HUS1B: variants seen among roughly 807,000 people sequenced by gnomAD.
The protein encoded by HUS1B is checkpoint protein HUS1B.
For synonymous variants in HUS1B, 207 were observed against 176.2 expected, an observed-to-expected ratio of 1.17 and a Z score of -1.38; for missense variants, 475 against 390.4, an observed-to-expected ratio of 1.22 and a Z score of -1.83.
In HUS1B at chr6:656,508, A is replaced by AGGCAGTCCCGCC. The variant is rs754667998; in HGVS notation, c.425_436dup (p.Cys145_Leu146insArgArgAspCys). On this transcript the variant is annotated inframe_insertion, in exon 1 of 1. Transcript: ENST00000380907. ...GTCGGAGGCGCGCAGGCTGGGCGGC[A>AGGCAGTCCCGCC]GGCAGTCCCGCCACACTCTCCTGGG... is the stretch of plus-strand genomic sequence containing the variant. 4 of 1,605,016 alleles carry AGGCAGTCCCGCC rather than the reference A, an allele frequency of 2.5e-6. No individual in the cohort carries two copies. The Admixed American group carries it at 5.0e-5, about 20-fold the overall frequency.
rs61748571 is a variant in HUS1B, at chr6:656,810, A to G, written c.135T>C (p.Gly45=). 0.058 allele frequency: 93,654 copies of G among 1,607,396 alleles called. 3,806 individuals are homozygous for G. The highest frequency in any genetic ancestry group is 0.16 in the South Asian group (14,281 of 90,464). Residue 45 remains glycine (G), a synonymous_variant, in exon 1 of 1, where the codon GGT becomes GGC. Transcript: ENST00000380907. The part of the protein sequence containing the change: ...RPDSLCFGPA[G]SGGLHEARLW... The stretch of plus-strand genomic sequence containing the variant: ...GCCTGGCCTCGTGGAGGCCGCCGGA[A>G]CCCGCGGGGCCGAAGCACAGGCTGT...
chr6:656,563 C>T lies in HUS1B; in HGVS notation c.382G>A (p.Val128Met), dbSNP rs1166501299. Residue 128 changes from valine to methionine, a missense_variant, in exon 1 of 1, where the codon GTG (valine) becomes ATG (methionine). Val to Met is a conservative substitution (Grantham distance 21, BLOSUM62 1). Coordinates refer to ENST00000380907, the MANE Select transcript of HUS1B (RefSeq NM_148959.4). Reference sequence around the variant, plus strand: ...ACCCGCACGGGCAGATCGTGCACCACGCTGCGAGCGCGGCCCAGGGACGAG... The same window carrying T: ...ACCCGCACGGGCAGATCGTGCACCATGCTGCGAGCGCGGCCCAGGGACGAG... ...LVSSLGRARS[V>M]VHDLPVRVLP... 3 of 1,591,926 alleles carry T rather than the reference C, an allele frequency of 1.9e-6. No homozygotes were observed. The highest frequency in any genetic ancestry group is 2.6e-6 in the Non-Finnish European group (3 of 1,170,226).
chr6:656,357 C>T lies in HUS1B; in HGVS notation c.588G>A (p.Glu196=). 1 of 1,614,216 alleles carries T rather than the reference C, an allele frequency of 6.2e-7. No individual in the cohort carries two copies. Among genetic ancestry groups the T allele is most frequent in the Non-Finnish European group, 8.5e-7 (1 of 1,180,032 alleles). Residue 196 remains glutamate (E), a synonymous_variant, in exon 1 of 1, where the codon GAG becomes GAA. Transcript: ENST00000380907. ...TAAAATAACTTTGAATGGACACCACCTCCGTCTCTATACTCAGGGTCATCC... is the reference window on the plus strand; with the variant it reads ...TAAAATAACTTTGAATGGACACCACTTCCGTCTCTATACTCAGGGTCATCC... ...SGRMTLSIET[E]VVSIQSYFKN... is the part of the protein sequence containing the mutation.
chr6:656,976 G>C lies in HUS1B; in HGVS notation c.-32C>G. 3 of 1,485,902 alleles carry C rather than the reference G, an allele frequency of 2.0e-6. No individual in the cohort carries two copies. Among genetic ancestry groups the C allele is most frequent in the Non-Finnish European group, 2.7e-6 (3 of 1,108,884 alleles). The allele number at this position is 1,485,902 out of a possible 1,614,324, so 92.0% of individuals were successfully genotyped here. ...ACAGGGAAGGCAGCTGGGGGCCTCT[G>C]AGGGGGATTCCGCGTGCCACAAGCC... On this transcript the variant is annotated 5_prime_UTR_variant, in exon 1 of 1. Transcript: ENST00000380907.
rs757420125 is a variant in HUS1B at position 656,864 on chromosome 6, C to T, written c.81G>A (p.Ala27=). Residue 27 remains alanine (A), a synonymous_variant, in exon 1 of 1, where the codon GCG becomes GCA. Transcript: ENST00000380907. The part of the protein sequence containing the change: ...IHVSGTVARL[A]KVCVLRVRPD... Reference sequence around the variant, plus strand: ...GGCGCACGCGGAGCACGCAGACCTTCGCTAGCCTCGCGACGGTGCCGCTGA... The same window carrying T: ...GGCGCACGCGGAGCACGCAGACCTTTGCTAGCCTCGCGACGGTGCCGCTGA... The T allele has an allele frequency of 1.2e-6, 2 of 1,608,312 alleles. No homozygotes were observed. The highest frequency in any genetic ancestry group is 1.3e-5 in the African/African-American group (1 of 74,654).
Position 656,782 on chromosome 6 carries a change from A to G in HUS1B, c.163T>C (p.Trp55Arg), listed in dbSNP as rs1251463459. The change falls in exon 1 of 1, where the codon TGG becomes CGG. Residue 55 changes from tryptophan (W) to arginine (R), a missense_variant. Coordinates refer to ENST00000380907, the MANE Select transcript of HUS1B (RefSeq NM_148959.4). Reference protein sequence around the residue: ...GSGGLHEARLWCEVRQGAFQQ... With the variant: ...GSGGLHEARLRCEVRQGAFQQ... The stretch of plus-strand genomic sequence containing the variant: ...AAGGCCCCCTGCCGCACCTCGCACC[A>G]CAGCCTGGCCTCGTGGAGGCCGCCG... 6.2e-7 allele frequency: 1 copy of G among 1,600,548 alleles called. No individual in the cohort carries two copies. Among genetic ancestry groups the G allele is most frequent in the South Asian group, 1.1e-5 (1 of 89,884 alleles).
In HUS1B at chr6:656,521, A is replaced by G; in HGVS notation, c.424T>C (p.Trp142Arg). 1 of 1,605,606 alleles carries G rather than the reference A, an allele frequency of 6.2e-7. No homozygotes were observed. Among genetic ancestry groups the G allele is most frequent in the Non-Finnish European group, 8.5e-7 (1 of 1,177,924 alleles). Residue 142 changes from tryptophan to arginine, a missense_variant, in exon 1 of 1, where the codon TGG (tryptophan) becomes CGG (arginine). Physicochemically the swap from Trp to Arg is moderately radical, Grantham distance 101 (BLOSUM62 -3). Coordinates refer to ENST00000380907, the MANE Select transcript of HUS1B (RefSeq NM_148959.4). Reference sequence around the variant, plus strand: ...AGGCTGGGCGGCAGGCAGTCCCGCCACACTCTCCTGGGAAGCACCCGCACG... The same window carrying G: ...AGGCTGGGCGGCAGGCAGTCCCGCCGCACTCTCCTGGGAAGCACCCGCACG... ...LPVRVLPRRV[W>R]RDCLPPSLRA...
chr6:656,893 G>A lies in HUS1B; in HGVS notation c.52C>T (p.His18Tyr), dbSNP rs756578192. The A allele has an allele frequency of 6.3e-7, 1 of 1,596,380 alleles. No individual in the cohort carries two copies. The highest frequency in any genetic ancestry group is 1.3e-5 in the African/African-American group (1 of 74,336). ...AGCCTCGCGACGGTGCCGCTGACGT[G>A]AATGAACAGCTCTAGACAGCCTTTG... ...TGKGCLELFI[H>Y]VSGTVARLAK... The change falls in exon 1 of 1, where the codon CAC becomes TAC. Residue 18 changes from histidine to tyrosine, a missense_variant. By Grantham distance (83) the His-to-Tyr change is moderately conservative. Transcript: ENST00000380907.
Position 656,004 on chromosome 6 carries a change from C to T in HUS1B, c.*104G>A, listed in dbSNP as rs985207905. The T allele has an allele frequency of 5.0e-6, 4 of 801,902 alleles. No homozygotes were observed. In the African/African-American group the frequency reaches 5.1e-5, roughly 10 times the overall value. The allele number at this position is 801,902 out of a possible 1,614,324, so 49.7% of individuals were successfully genotyped here. A position where few individuals can be genotyped will look rare whatever the true frequency, so the allele number is the denominator to read the frequency against. On this transcript the variant is annotated 3_prime_UTR_variant, in exon 1 of 1. Coordinates refer to ENST00000380907, the MANE Select transcript of HUS1B (RefSeq NM_148959.4). ...AGGGCTCAACAAAATATACGCCCTG[C>T]ATAAGTCAGTGAAGGTCCAAATTTT...
rs996363186 is a variant in HUS1B, at chr6:656,243, C to G, written c.702G>C (p.Arg234=). The part of the protein sequence containing the change: ...ESMVQVRVDN[R]KLLQFLEGQQ... ...GTCCCTCCAAAAACTGCAGAAGCTT[C>G]CGATTGTCCACCCGCACTTGCACCA... The change falls in exon 1 of 1, where the codon CGG becomes CGC. Residue 234 remains arginine (R), a synonymous_variant. Coordinates refer to ENST00000380907, the MANE Select transcript of HUS1B (RefSeq NM_148959.4). 12 of 1,614,114 alleles carry G rather than the reference C, an allele frequency of 7.4e-6. No individual in the cohort carries two copies. The African/African-American group carries it at 1.5e-4, about 20-fold the overall frequency.
Position 656,427 on chromosome 6 carries a change from G to A in HUS1B, c.518C>T (p.Ala173Val), listed in dbSNP as rs771703594. ...RTLRSIVERM[A>V]NVGSHVLVEA... ...CACCAGCACGTGACTGCCCACGTTC[G>A]CCATCCTCTCCACGATGCTCCTCAG... Residue 173 changes from alanine (A) to valine (V), a missense_variant, in exon 1 of 1, where the codon GCG becomes GTG. Coordinates refer to ENST00000380907, the MANE Select transcript of HUS1B (RefSeq NM_148959.4). The A allele has an allele frequency of 3.7e-6, 6 of 1,613,306 alleles. No homozygotes were observed. The highest frequency in any genetic ancestry group is 1.7e-4 in the Middle Eastern group (1 of 6,058).
Position 656,687 on chromosome 6 carries a change from G to A in HUS1B, c.258C>T (p.His86=), listed in dbSNP as rs1161381211. ...CTGCGCTTCTCGCCGCCCGGGACAG[G>A]TGCTCCGCCGTCAGCTCCAGGTGGA... The part of the protein sequence containing the change: ...DEIHLELTAE[H]LSRAARSAAG... Residue 86 remains histidine (H), a synonymous_variant, in exon 1 of 1, where the codon CAC becomes CAT. Coordinates refer to ENST00000380907, the MANE Select transcript of HUS1B (RefSeq NM_148959.4). 3.7e-6 allele frequency: 6 copies of A among 1,606,398 alleles called. No individual in the cohort carries two copies. Among genetic ancestry groups the A allele is most frequent in the East Asian group, 4.5e-5 (2 of 44,694 alleles).
At position 656,693 on chromosome 6, in the gene HUS1B, C is replaced by A; in HGVS notation, c.252G>T (p.Ala84=). ...TTCTCGCCGCCCGGGACAGGTGCTC[C>A]GCCGTCAGCTCCAGGTGGATCTCAT... ...DLDEIHLELT[A]EHLSRAARSA... is the part of the protein sequence containing the mutation. Residue 84 remains alanine, a synonymous_variant, in exon 1 of 1, where the codon GCG becomes GCT. Transcript: ENST00000380907. The A allele has an allele frequency of 6.2e-7, 1 of 1,605,894 alleles. No individual in the cohort carries two copies. The highest frequency in any genetic ancestry group is 8.5e-7 in the Non-Finnish European group (1 of 1,176,268).
Position 656,566 on chromosome 6 carries a change from T to G in HUS1B, c.379A>C (p.Ser127Arg). 6.3e-7 allele frequency: 1 copy of G among 1,592,656 alleles called. No homozygotes were observed. Among genetic ancestry groups the G allele is most frequent in the Non-Finnish European group, 8.5e-7 (1 of 1,170,482 alleles). Reference sequence around the variant, plus strand: ...CGCACGGGCAGATCGTGCACCACGCTGCGAGCGCGGCCCAGGGACGAGACC... The same window carrying G: ...CGCACGGGCAGATCGTGCACCACGCGGCGAGCGCGGCCCAGGGACGAGACC... ...ELVSSLGRAR[S>R]VVHDLPVRVL... is the part of the protein sequence containing the mutation. Residue 127 changes from serine to arginine, a missense_variant, in exon 1 of 1, where the codon AGC becomes CGC. Transcript: ENST00000380907.
rs750302587 is a variant in HUS1B at position 656,554 on chromosome 6, C to T, written c.391G>A (p.Asp131Asn). The change falls in exon 1 of 1, where the codon GAT (aspartate) becomes AAT (asparagine). Residue 131 changes from aspartate (D) to asparagine (N), a missense_variant. Transcript: ENST00000380907. ...CTGGGAAGCACCCGCACGGGCAGAT[C>T]GTGCACCACGCTGCGAGCGCGGCCC... ...SLGRARSVVH[D>N]LPVRVLPRRV... The T allele has an allele frequency of 6.3e-7, 1 of 1,596,104 alleles. No homozygotes were observed. The highest frequency in any genetic ancestry group is 1.1e-5 in the South Asian group (1 of 89,592).
In HUS1B at chr6:656,528, C is replaced by G; in HGVS notation, c.417G>C (p.Arg139Ser). 6.2e-7 allele frequency: 1 copy of G among 1,604,350 alleles called. No homozygotes were observed. Among genetic ancestry groups the G allele is most frequent in the African/African-American group, 1.3e-5 (1 of 74,952 alleles). ...GCGGCAGGCAGTCCCGCCACACTCT[C>G]CTGGGAAGCACCCGCACGGGCAGAT... Reference protein sequence around the residue: ...VHDLPVRVLPRRVWRDCLPPS... With the variant: ...VHDLPVRVLPSRVWRDCLPPS... Residue 139 changes from arginine to serine, a missense_variant, in exon 1 of 1, where the codon AGG becomes AGC. Physicochemically the swap from Arg to Ser is moderately radical, Grantham distance 110. Transcript: ENST00000380907.
chr6:656,239 G>A lies in HUS1B; in HGVS notation c.706C>T (p.Leu236Phe), dbSNP rs1170260139. The change falls in exon 1 of 1, where the codon CTT becomes TTT. Residue 236 changes from leucine to phenylalanine, a missense_variant. Physicochemically the swap from Leu to Phe is conservative, Grantham distance 22. Coordinates refer to ENST00000380907, the MANE Select transcript of HUS1B (RefSeq NM_148959.4). ...TGCTGTCCCTCCAAAAACTGCAGAA[G>A]CTTCCGATTGTCCACCCGCACTTGC... Reference protein sequence around the residue: ...MVQVRVDNRKLLQFLEGQQIH... With the variant: ...MVQVRVDNRKFLQFLEGQQIH... 6.2e-7 allele frequency: 1 copy of A among 1,614,112 alleles called. No individual in the cohort carries two copies. The highest frequency in any genetic ancestry group is 2.2e-5 in the East Asian group (1 of 44,898).
the HUS1B span, chr6:656,596 C>A: frequency 6.3e-7 from 1 of 1,595,318 alleles, no homozygotes; most frequent in Non-Finnish European, 8.5e-7. Context: ...GAGACCAGCT[C>A]CACCGCCACC....
At position 656,349 on chromosome 6, in the gene HUS1B, G is replaced by A. The variant is rs866794959; in HGVS notation, c.596C>T (p.Ser199Phe). The change falls in exon 1 of 1, where the codon TCC (serine) becomes TTC (phenylalanine). Residue 199 changes from serine to phenylalanine, a missense_variant. Ser to Phe is a radical substitution (Grantham distance 155). Coordinates refer to ENST00000380907, the MANE Select transcript of HUS1B (RefSeq NM_148959.4). ...MTLSIETEVV[S>F]IQSYFKNLGN... ...AAGATTTTTAAAATAACTTTGAATG[G>A]ACACCACCTCCGTCTCTATACTCAG... The A allele has an allele frequency of 1.2e-6, 2 of 1,614,192 alleles. No homozygotes were observed. Among genetic ancestry groups the A allele is most frequent in the Non-Finnish European group, 1.7e-6 (2 of 1,180,028 alleles).
Sources: gnomAD v4.1 joint callset for allele counts on GRCh38, gnomAD v4.1.1 for gene constraint, MANE v1.5 for transcripts, NCBI Gene and HGNC (gene_info 2026-07-23, HGNC 2026-07-21) for gene names.